GRIK1: variants seen among roughly 807,000 people sequenced by gnomAD.
GRIK1 encodes the protein glutamate receptor ionotropic, kainate 1.
In GRIK1, 69 loss-of-function variants were observed where a neutral mutation model predicts 105.7. The observed-to-expected ratio is 0.65, with a 90% confidence interval of 0.54 to 0.80. The LOEUF (loss-of-function observed/expected upper bound fraction) is 0.80, where lower values mean the gene tolerates loss of function less well. GRIK1 is among the 30% of genes least tolerant of loss of function. The pLI is 0.00. For missense variants in GRIK1, 1,109 were observed against 1,167.3 expected (o/e 0.95, Z 0.73); for synonymous variants, 438 against 431.3 (o/e 1.02, Z -0.19).
At chr21:29,768,018 G>C (rs1270307148) in intron 1 of GRIK1, among the ~76,000 whole-genome samples, 1 of 152,110 alleles carries the variant, frequency 6.6e-6, no homozygotes, top group African/African-American at 2.4e-5. Flanking sequence ...TGGCAATGGG[G>C]TCCCAGCTAC....
Position 29,930,839 on chromosome 21 carries a change from C to G in GRIK1, c.118+8544G>C, listed in dbSNP as rs373027724. Among the ~76,000 whole-genome samples the G allele has an allele frequency of 5.3e-5, 8 of 152,158 alleles. No individual in the cohort carries two copies. In the East Asian group the frequency reaches 9.6e-4, roughly 18 times the overall value. ...TTAAATATTGTTGTCTTTAAGGACA[C>G]TCTTAGAAAACCCTCCATGTAGCAT... On this transcript the variant is annotated intron_variant, in intron 1 of 17. Transcript: ENST00000327783.
intron 1 of GRIK1, among the ~76,000 whole-genome samples, chr21:29,912,305 T>C (rs577560994): frequency 1.3e-5 from 2 of 152,200 alleles, no homozygotes; most frequent in Non-Finnish European, 1.5e-5. Context: ...ACCAGAGACA[T>C]GCCAGCCGCT....
intron 1 of GRIK1, among the ~76,000 whole-genome samples, chr21:29,785,483 G>C (rs929094276): frequency 7.0e-6 from 1 of 143,690 alleles, no homozygotes; most frequent in Non-Finnish European, 1.5e-5. Flanking sequence ...AGAATCCCTT[G>C]AACCTGGGAG....
chr21:29,750,922 C>T (rs917016606), intron 1 of GRIK1, among the ~76,000 whole-genome samples: 3 of 152,106 alleles, frequency 2.0e-5, no homozygotes, highest in South Asian at 2.1e-4. Context: ...GGACTGAGTC[C>T]GAAAAGAGTC....
intron 12 of GRIK1, among the ~76,000 whole-genome samples, chr21:29,582,747 A>AT (rs1384365134): frequency 1.3e-5 from 2 of 152,126 alleles, no homozygotes. Flanking sequence ...AAATGCAGTA[A>AT]TTTTTAGCAC....
intron 6 of GRIK1, 71 bp from the exon 7 acceptor site, chr21:29,643,040 C>T (rs1280049966): frequency 7.7e-6 from 11 of 1,430,926 alleles, no homozygotes; most frequent in Non-Finnish European, 9.7e-6. Flanking sequence ...CATAATCACT[C>T]TCCCTGCTTC....
At chr21:29,590,041 T>C (rs954736660) in intron 10 of GRIK1, among the ~76,000 whole-genome samples, 1 of 152,220 alleles carries the variant, frequency 6.6e-6, no homozygotes, top group South Asian at 2.1e-4. Flanking sequence ...ACTTCCCTAC[T>C]ACCATGCATC....
chr21:29,547,619 G>T (rs1283619398), intron 16 of GRIK1, among the ~76,000 whole-genome samples: 5 of 152,230 alleles, frequency 3.3e-5, no homozygotes, highest in Non-Finnish European at 5.9e-5. Flanking sequence ...TGTCTATTGG[G>T]CCATGCCCAT....
intron 1 of GRIK1, among the ~76,000 whole-genome samples, chr21:29,832,588 G>A (rs1305705589): frequency 6.6e-6 from 1 of 152,168 alleles, no homozygotes; most frequent in Non-Finnish European, 1.5e-5. Flanking sequence ...TGGAGCAGTA[G>A]CCTGAGGTGT....
intron 1 of GRIK1, among the ~76,000 whole-genome samples, chr21:29,889,628 G>A (rs1372828785): frequency 6.6e-6 from 1 of 151,440 alleles, no homozygotes; most frequent in Non-Finnish European, 1.5e-5. Context: ...CAAAATCTTT[G>A]TAACATACAT....
At chr21:29,907,601 G>A (rs2070689155) in intron 1 of GRIK1, among the ~76,000 whole-genome samples, 1 of 152,012 alleles carries the variant, frequency 6.6e-6, no homozygotes, top group Non-Finnish European at 1.5e-5. Context: ...AAGTTATCAC[G>A]AATTTCTAGT....
chr21:29,643,304 G>A (rs2062553143), intron 6 of GRIK1, among the ~76,000 whole-genome samples: 1 of 152,204 alleles, frequency 6.6e-6, no homozygotes, highest in South Asian at 2.1e-4. Flanking sequence ...ACTACCTTGA[G>A]CTAGAAGCTA....
chr21:29,566,230 A>G (rs2090608251), intron 14 of GRIK1, among the ~76,000 whole-genome samples: 1 of 152,196 alleles, frequency 6.6e-6, no homozygotes, highest in East Asian at 1.9e-4. Flanking sequence ...ATCACTCTAA[A>G]TAATATATGT....
chr21:29,750,602 G>A (rs1475913417), intron 1 of GRIK1, among the ~76,000 whole-genome samples: 1 of 152,130 alleles, frequency 6.6e-6, no homozygotes, highest in Non-Finnish European at 1.5e-5. Context: ...AAGGTAGGAC[G>A]CCAAGCAGTA....
intron 6 of GRIK1, among the ~76,000 whole-genome samples, chr21:29,643,614 C>T (rs1330271897): frequency 6.6e-6 from 1 of 152,180 alleles, no homozygotes; most frequent in Admixed American, 6.5e-5. Context: ...TGAAACAAGT[C>T]GGTCATTCCT....
intron 15 of GRIK1, among the ~76,000 whole-genome samples, chr21:29,560,509 TTCCTTC>T (rs1568815288): frequency 0.096 from 3,919 of 41,018 alleles, 876 homozygotes; most frequent in South Asian, 0.12. Flanking sequence ...CCTTCCTTCC[TTCCTTC>T]CTTCCTTTCT....
At chr21:29,576,467 G>A (rs1445418603) in intron 14 of GRIK1, among the ~76,000 whole-genome samples, 2 of 152,012 alleles carry the variant, frequency 1.3e-5, no homozygotes, top group African/African-American at 4.8e-5. Context: ...GGATTTTTTT[G>A]TTCTTAATTC....
intron 1 of GRIK1, chr21:29,861,586 TG>T: frequency 3.4e-6 from 1 of 292,204 alleles, no homozygotes; most frequent in South Asian, 2.3e-5. Flanking sequence ...GGATTATAGG[TG>T]TGAGCCAACA....
At chr21:29,667,383 TAAAC>T (rs536000153) in intron 4 of GRIK1, among the ~76,000 whole-genome samples, 96 of 152,280 alleles carry the variant, frequency 6.3e-4, no homozygotes, top group Middle Eastern at 3.4e-3. Context: ...GACCAGGCAT[TAAAC>T]AAACAAACAA....
Sources: gnomAD v4.1 joint callset for allele counts (sites outside exome capture counted in the v4.1 genomes callset) on GRCh38, gnomAD v4.1.1 for gene constraint, MANE v1.5 for transcripts, NCBI Gene and HGNC (gene_info 2026-07-23, HGNC 2026-07-21) for gene names.